The following GALNS variants were observed in gnomAD, a reference collection of about 807,000 sequenced individuals.
GALNS encodes N-acetylgalactosamine-6-sulfatase.
Under a neutral mutation model 65.9 loss-of-function variants are expected in GALNS, and 65 were observed. The observed-to-expected ratio is 0.99, with a 90% CI of 0.81 to 1.21. The LOEUF is 1.21. Ranked by LOEUF, GALNS falls within the 50% of genes most tolerant of loss-of-function variation. The pLI is 0.00. For missense variants in GALNS, 776 were observed against 700.7 expected, an observed-to-expected ratio of 1.11 and a Z score of -1.21; for synonymous variants, 346 against 288.9, an observed-to-expected ratio of 1.20 and a Z score of -2.00.
chr16:88,829,253 A>G (rs1244465581), intron 9 of GALNS, among the ~76,000 whole-genome samples: 1 of 136,864 alleles, frequency 7.3e-6, no homozygotes, highest in East Asian at 2.2e-4. Flanking sequence ...GCCCCCACAC[A>G]AGAAACCAAA....
rs79507351 is a variant in GALNS at position 88,814,143 on chromosome 16, T to C, written c.*296A>G. 7.9e-3 allele frequency: 4,031 copies of C among 507,384 alleles called. 143 individuals are homozygous for C. Among genetic ancestry groups the C allele is most frequent in the African/African-American group, 0.07 (3,617 of 51,946 alleles). 31.4% of individuals were successfully genotyped at this position (507,384 alleles called of 1,614,324 possible). A position where few individuals can be genotyped will look rare whatever the true frequency, so the allele number is the denominator to read the frequency against. The stretch of plus-strand genomic sequence containing the variant: ...TAACCTTGGCAAAATAAACTGAGAC[T>C]GGTCTCAGATATTTGGGGTTCACAA... On this transcript the variant is annotated 3_prime_UTR_variant, in exon 14 of 14. Transcript: ENST00000268695.
chr16:88,842,667 G>C (rs878932193), intron 2 of GALNS, 39 bp downstream of exon 2: 1 of 1,608,260 alleles, frequency 6.2e-7, no homozygotes, highest in African/African-American at 1.3e-5. Context: ...GGCCTGTTGG[G>C]CTCACCCCTT....
At position 88,824,839 on chromosome 16, in the gene GALNS, C is replaced by T. The variant is rs1409902487; in HGVS notation, c.1170G>A (p.Leu390=). The T allele has an allele frequency of 1.2e-6, 2 of 1,613,382 alleles. No individual in the cohort carries two copies. The highest frequency in any genetic ancestry group is 1.7e-5 in the Admixed American group (1 of 60,018). ...RPIFYYRGDT[L]MAATLGQHKA... is the part of the protein sequence containing the mutation. Reference sequence around the variant, plus strand: ...TGTGCTGCCCGAGGGTGGCCGCCATCAGCGTGTCGCCACGGTAATAGAAGA... The same window carrying T: ...TGTGCTGCCCGAGGGTGGCCGCCATTAGCGTGTCGCCACGGTAATAGAAGA... The change falls in exon 11 of 14, where the codon CTG becomes CTA. Residue 390 remains leucine, a synonymous_variant. Transcript: ENST00000268695.
In GALNS at chr16:88,835,481, C is replaced by T. The variant is rs117958182; in HGVS notation, c.759-129G>A. The T allele has an allele frequency of 1.3e-5, 18 of 1,344,540 alleles. No individual in the cohort carries two copies. The Middle Eastern group carries it at 1.1e-3, about 83-fold the overall frequency. 83.3% of individuals were successfully genotyped at this position (1,344,540 alleles called of 1,614,324 possible). On this transcript the variant is annotated intron_variant, in intron 7 of 13. Transcript: ENST00000268695. ...CTTCACAGACCACAGTGAAACTGGC[C>T]GGCCTCTTCCCAGAAGAGGAATGGC...
intron 1 of GALNS, among the ~76,000 whole-genome samples, chr16:88,853,254 A>G (rs1407431604): frequency 1.2e-5 from 1 of 85,954 alleles, no homozygotes; most frequent in South Asian, 3.8e-4. Flanking sequence ...TCCATCTCAA[A>G]AAAAAAAAAA....
chr16:88,856,460 A>T (rs1967891443), intron 1 of GALNS: 1 of 700,292 alleles, frequency 1.4e-6, no homozygotes, highest in Admixed American at 2.0e-5. Flanking sequence ...CCTGCCAGGG[A>T]GGACGCTGTC....
intron 13 of GALNS, chr16:88,817,159 T>G: frequency 1.0e-6 from 1 of 985,408 alleles, no homozygotes; most frequent in East Asian, 1.1e-4. Flanking sequence ...GGCTGGGCCG[T>G]CCACATGCCA....
At position 88,855,369 on chromosome 16, in the gene GALNS, C is replaced by T. The variant is rs956514393; in HGVS notation, c.120+1389G>A. On this transcript the variant is annotated intron_variant, in intron 1 of 13. Coordinates refer to ENST00000268695, the MANE Select transcript of GALNS (RefSeq NM_000512.5). ...AAGAAATTCTGAAACAAAGTATCTA[C>T]ACTGGCCCAGAGGAACTTCAAAAGT... 2.4e-5 allele frequency: 17 copies of T among 702,408 alleles called. No individual in the cohort carries two copies. In the African/African-American group the frequency reaches 3.0e-4, roughly 12 times the overall value. 43.5% of individuals were successfully genotyped at this position (702,408 alleles called of 1,614,324 possible).
At chr16:88,845,789 C>T (rs1020543458) in intron 1 of GALNS, among the ~76,000 whole-genome samples, 14 of 149,386 alleles carry the variant, frequency 9.4e-5, no homozygotes, top group Admixed American at 6.7e-4. Flanking sequence ...GCCAGGAGTT[C>T]GAGACCAGCC....
rs1966995654 is a variant in GALNS at position 88,841,979 on chromosome 16, G to C, written c.245-8C>G. 2 of 1,609,522 alleles carry C rather than the reference G, an allele frequency of 1.2e-6. No homozygotes were observed. The highest frequency in any genetic ancestry group is 1.7e-6 in the Non-Finnish European group (2 of 1,177,938). On this transcript the variant is annotated splice_polypyrimidine_tract_variant and splice_region_variant and intron_variant, in intron 2 of 13. Transcript: ENST00000268695. Reference sequence around the variant, plus strand: ...TGAGCAGTGCCGCCCTCGCTATGTGGAGGTGACAGAAACAGAAACTGGATA... The same window carrying C: ...TGAGCAGTGCCGCCCTCGCTATGTGCAGGTGACAGAAACAGAAACTGGATA...
At chr16:88,823,822 G>GC (rs1368137355) in intron 11 of GALNS, among the ~76,000 whole-genome samples, 3 of 145,760 alleles carry the variant, frequency 2.1e-5, no homozygotes, top group African/African-American at 5.1e-5. Context: ...AGGCGGCAAT[G>GC]CCGGGGACCG....
rs1966934248 is a variant in GALNS at position 88,840,902 on chromosome 16, C to G, written c.422+90G>C. ...CGTTTCCCACCCAAGACACCCTCCT[C>G]ATTTGGAAACTTGTGGCCATGTCCC... On this transcript the variant is annotated intron_variant, in intron 4 of 13. Coordinates refer to ENST00000268695, the MANE Select transcript of GALNS (RefSeq NM_000512.5). 4 of 1,017,090 alleles carry G rather than the reference C, an allele frequency of 3.9e-6. No homozygotes were observed. In the African/African-American group the frequency reaches 6.3e-5, roughly 16 times the overall value. The allele number at this position is 1,017,090 out of a possible 1,614,324, so 63.0% of individuals were successfully genotyped here. A position where few individuals can be genotyped will look rare whatever the true frequency, so the allele number is the denominator to read the frequency against.
intron 1 of GALNS, among the ~76,000 whole-genome samples, chr16:88,849,114 T>A (rs1354138936): frequency 6.6e-6 from 1 of 152,164 alleles, no homozygotes; most frequent in Non-Finnish European, 1.5e-5. Flanking sequence ...GGATCCCTTT[T>A]GAGATGGTTT....
intron 1 of GALNS, chr16:88,855,906 G>A (rs974837615): frequency 7.3e-5 from 39 of 531,398 alleles, no homozygotes; most frequent in African/African-American, 5.5e-4. Context: ...ACTCGGTGTC[G>A]TCCCAGTCCT....
At chr16:88,840,251 A>G in intron 4 of GALNS, 1 of 153,808 alleles carries the variant, frequency 6.5e-6, no homozygotes, top group Non-Finnish European at 1.4e-5. Context: ...TCCAAGGAGC[A>G]TCCATCTGAA....
At chr16:88,836,653 C>G (rs1430587686) in intron 5 of GALNS, among the ~76,000 whole-genome samples, 4 of 139,852 alleles carry the variant, frequency 2.9e-5, no homozygotes, top group Admixed American at 7.2e-5. Flanking sequence ...GATCCTGTCT[C>G]AAGAAAAAAA....
chr16:88,852,396 C>A (rs1475943860), intron 1 of GALNS, among the ~76,000 whole-genome samples: 1 of 152,202 alleles, frequency 6.6e-6, no homozygotes. Flanking sequence ...GCATCAAAGA[C>A]CAAAGGCAGA....
In GALNS at chr16:88,856,897, G is replaced by T. The variant is rs1274449066; in HGVS notation, c.-20C>A. 1 of 1,502,256 alleles carries T rather than the reference G, an allele frequency of 6.7e-7. No individual in the cohort carries two copies. The highest frequency in any genetic ancestry group is 2.1e-5 in the Admixed American group (1 of 47,440). 93.1% of individuals were successfully genotyped at this position (1,502,256 alleles called of 1,614,324 possible). Reference sequence around the variant, plus strand: ...CGCCATGGCAACCACGGGAGCCGCGGAGCCCCGGCCAGCGAGCCGACCTAG... The same window carrying T: ...CGCCATGGCAACCACGGGAGCCGCGTAGCCCCGGCCAGCGAGCCGACCTAG... On this transcript the variant is annotated 5_prime_UTR_variant, in exon 1 of 14. Coordinates refer to ENST00000268695, the MANE Select transcript of GALNS (RefSeq NM_000512.5).
At chr16:88,846,508 G>A (rs1967250406) in intron 1 of GALNS, among the ~76,000 whole-genome samples, 1 of 140,820 alleles carries the variant, frequency 7.1e-6, no homozygotes, top group Non-Finnish European at 1.5e-5. Context: ...TGCGTTTCTG[G>A]CTTTTTTTTT....
Sources: gnomAD v4.1 joint callset for allele counts (sites outside exome capture counted in the v4.1 genomes callset) on GRCh38, gnomAD v4.1.1 for gene constraint, MANE v1.5 for transcripts, NCBI Gene and HGNC (gene_info 2026-07-23, HGNC 2026-07-21) for gene names.